MYL4: variants seen among roughly 807,000 people sequenced by gnomAD.
The protein encoded by MYL4 is atrial myosin light chain 1.
Under a neutral mutation model 21.6 loss-of-function variants are expected in MYL4, and 16 were observed. The observed-to-expected ratio is 0.74, with a 90% CI of 0.50 to 1.12. The LOEUF is 1.12. MYL4 is among the 50% of genes most tolerant of loss of function. The pLI is 0.00. For missense variants in MYL4, 249 were observed against 252.9 expected (o/e 0.98, Z 0.11); for synonymous variants, 82 against 95.7 (o/e 0.86, Z 0.83).
chr17:47,197,092 G>GTTTTTTTTTTTTTTTTTT (rs71365051), upstream of MYL4, among the ~76,000 whole-genome samples: 1 of 113,354 alleles, frequency 8.8e-6, no homozygotes, highest in Non-Finnish European at 1.7e-5. Flanking sequence ...TCCTTAAAGG[G>GTTTTTTTTTTTTTTTTTT]TTTTTTTTTT....
the MYL4 span, among the ~76,000 whole-genome samples, chr17:47,192,789 G>T: frequency 1.3e-5 from 2 of 152,028 alleles, no homozygotes; most frequent in African/African-American, 4.8e-5. Context: ...TTCCTTCTCT[G>T]CTCCTAATTG....
chr17:47,191,728 C>G, the MYL4 span, among the ~76,000 whole-genome samples: 6 of 152,158 alleles, frequency 3.9e-5, no homozygotes, highest in African/African-American at 1.4e-4. Flanking sequence ...CTCGGCCTCC[C>G]AAAGTGCTGG....
downstream of MYL4, among the ~76,000 whole-genome samples, chr17:47,225,585 C>T (rs1316546784): frequency 1.3e-5 from 2 of 152,146 alleles, no homozygotes; most frequent in East Asian, 3.8e-4. Context: ...AAAACAGATC[C>T]TTAAATGGGA....
chr17:47,203,080 A>G (rs1330773101), intron 1 of MYL4, among the ~76,000 whole-genome samples: 2 of 152,226 alleles, frequency 1.3e-5, no homozygotes, highest in East Asian at 3.9e-4. Flanking sequence ...CCTCCTGAGT[A>G]TCTGGAATTA....
intron 2 of MYL4, 26 bp downstream of exon 2, chr17:47,213,852 C>T (rs370946052): frequency 4.9e-5 from 79 of 1,612,380 alleles, no homozygotes; most frequent in East Asian, 6.7e-5. Context: ...CCCACCTCTC[C>T]GTCTCTATTG....
At chr17:47,223,851 A>G (rs1255450337), downstream of MYL4, among the ~76,000 whole-genome samples, 2 of 152,152 alleles carry the variant, frequency 1.3e-5, no homozygotes, top group Non-Finnish European at 2.9e-5. Context: ...CTGTGGATCT[A>G]GAGATATTGG....
At chr17:47,214,665 T>C (rs1182125876) in intron 2 of MYL4, among the ~76,000 whole-genome samples, 1 of 152,260 alleles carries the variant, frequency 6.6e-6, no homozygotes, top group Non-Finnish European at 1.5e-5. Flanking sequence ...ATCCTTTTTT[T>C]CCATGCTGAT....
chr17:47,222,582 ATGT>A, intron 5 of MYL4, 125 bp downstream of exon 5: 2 of 781,642 alleles, frequency 2.6e-6, no homozygotes. Context: ...CCCCCATTGG[ATGT>A]TGTTCTGTTC....
At chr17:47,192,647 C>G in the MYL4 span, among the ~76,000 whole-genome samples, 1 of 150,314 alleles carries the variant, frequency 6.7e-6, no homozygotes, top group African/African-American at 2.4e-5. Context: ...AAGACTGTGT[C>G]TCAAAAAAAA....
the MYL4 span, among the ~76,000 whole-genome samples, chr17:47,192,263 AGAATCGCTT>A: frequency 9.3e-4 from 141 of 151,834 alleles, no homozygotes; most frequent in Non-Finnish European, 1.8e-3. Flanking sequence ...CTGAGGCAGG[AGAATCGCTT>A]GAACCTGGGA....
chr17:47,189,934 G>C, the MYL4 span, among the ~76,000 whole-genome samples: 1 of 152,076 alleles, frequency 6.6e-6, no homozygotes, highest in African/African-American at 2.4e-5. Context: ...TAAAAATTCA[G>C]AGAGGGCAAT....
chr17:47,226,038 C>T (rs1249946840), downstream of MYL4, among the ~76,000 whole-genome samples: 1 of 152,076 alleles, frequency 6.6e-6, no homozygotes, highest in Non-Finnish European at 1.5e-5. Context: ...TCCCTCTCTT[C>T]TTTCTTTCTT....
chr17:47,221,007 A>G (rs148099471), intron 3 of MYL4, among the ~76,000 whole-genome samples: 215 of 152,292 alleles, frequency 1.4e-3, no homozygotes, highest in Middle Eastern at 3.4e-3. Flanking sequence ...CCAGAGGGCT[A>G]GGGGCTTGCA....
chr17:47,209,746 C>G (rs754832903), intron 1 of MYL4, 189 bp downstream of exon 1: 2 of 793,790 alleles, frequency 2.5e-6, no homozygotes, highest in Non-Finnish European at 4.1e-6. Flanking sequence ...GAGTCATAAA[C>G]CTTTTCCGTC....
At chr17:47,216,641 C>T (rs2064816376) in intron 2 of MYL4, among the ~76,000 whole-genome samples, 1 of 151,942 alleles carries the variant, frequency 6.6e-6, no homozygotes, top group Non-Finnish European at 1.5e-5. Flanking sequence ...TTATTACCTT[C>T]CTCTTCAGGT....
At chr17:47,191,549 C>A in the MYL4 span, among the ~76,000 whole-genome samples, 2 of 152,108 alleles carry the variant, frequency 1.3e-5, no homozygotes, top group African/African-American at 2.4e-5. Context: ...CGGCTGACTG[C>A]GTCCTCCGCC....
At chr17:47,207,870 C>T (rs1457745790), upstream of MYL4, among the ~76,000 whole-genome samples, 1 of 152,158 alleles carries the variant, frequency 6.6e-6, no homozygotes, top group African/African-American at 2.4e-5. Flanking sequence ...CCCACCCTTA[C>T]CCCCTAGGTC....
intron 1 of MYL4, among the ~76,000 whole-genome samples, chr17:47,211,171 A>T (rs2064771925): frequency 1.3e-5 from 2 of 152,122 alleles, no homozygotes; most frequent in South Asian, 2.1e-4. Context: ...TAGAAAAAAA[A>T]TAGGTATCTT....
chr17:47,225,410 C>T (rs940973865), downstream of MYL4, among the ~76,000 whole-genome samples: 6 of 152,084 alleles, frequency 3.9e-5, no homozygotes, highest in South Asian at 2.1e-4. Context: ...GCCTTTTGTT[C>T]GAACTAAATT....
Sources: gnomAD v4.1 joint callset for allele counts (sites outside exome capture counted in the v4.1 genomes callset) on GRCh38, gnomAD v4.1.1 for gene constraint, MANE v1.5 for transcripts, NCBI Gene and HGNC (gene_info 2026-07-23, HGNC 2026-07-21) for gene names.